The following CCNY variants were observed in gnomAD, a reference collection of about 807,000 sequenced individuals.
The protein encoded by CCNY is cyclin-Y.
In CCNY, 19 loss-of-function variants were observed where a neutral mutation model predicts 42.8. The observed-to-expected ratio is 0.44, with a 90% CI of 0.31 to 0.65. CCNY has a LOEUF of 0.65. Among genes scored for constraint, CCNY ranks in the 30% least tolerant of loss-of-function variants. The pLI, the probability that CCNY is intolerant of heterozygous loss-of-function variation, is 0.07. For missense variants in CCNY, 370 were observed against 437.3 expected (o/e 0.85, Z 1.37); for synonymous variants, 165 against 162.7 (o/e 1.01, Z -0.11).
chr10:35,480,119 C>G (rs1162612731), intron 1 of CCNY, among the ~76,000 whole-genome samples: 2 of 152,098 alleles, frequency 1.3e-5, no homozygotes, highest in African/African-American at 2.4e-5. Context: ...AGACACTGGT[C>G]TTGAAGTCTC....
intron 3 of CCNY, among the ~76,000 whole-genome samples, chr10:35,292,686 C>T (rs1258458041): frequency 1.3e-5 from 2 of 151,318 alleles, no homozygotes; most frequent in African/African-American, 2.4e-5. Context: ...TTTATGGCGT[C>T]CAGTTTATCT....
At chr10:35,266,228 C>T (rs1477953555) in intron 3 of CCNY, among the ~76,000 whole-genome samples, 3 of 149,518 alleles carry the variant, frequency 2.0e-5, no homozygotes, top group Non-Finnish European at 4.4e-5. Context: ...CAGGCATGCG[C>T]TACCATGCCC....
At chr10:35,254,197 G>T (rs967645811) in intron 3 of CCNY, among the ~76,000 whole-genome samples, 3 of 152,102 alleles carry the variant, frequency 2.0e-5, no homozygotes, top group Non-Finnish European at 2.9e-5. Context: ...GTTTTTTACC[G>T]AAAAGTGAAT....
intron 1 of CCNY, among the ~76,000 whole-genome samples, chr10:35,429,074 CCTT>C (rs1387962483): frequency 6.6e-6 from 1 of 152,196 alleles, no homozygotes; most frequent in Non-Finnish European, 1.5e-5. Context: ...TTTCTAGTCA[CCTT>C]CTACCAGAAT....
chr10:35,431,953 A>C (rs1352517119), intron 1 of CCNY, among the ~76,000 whole-genome samples: 8 of 152,160 alleles, frequency 5.3e-5, no homozygotes, highest in Non-Finnish European at 1.2e-4. Context: ...GGAAGTTTAT[A>C]AGGTATTCAG....
chr10:35,357,768 T>G (rs1836589574), intron 1 of CCNY, among the ~76,000 whole-genome samples: 1 of 152,222 alleles, frequency 6.6e-6, no homozygotes, highest in African/African-American at 2.4e-5. Flanking sequence ...TTATCAAACT[T>G]TCACTCACAA....
intron 8 of CCNY, among the ~76,000 whole-genome samples, chr10:35,560,799 C>G (rs776163731): frequency 3.3e-5 from 5 of 152,200 alleles, no homozygotes; most frequent in Admixed American, 2.0e-4. Flanking sequence ...GAAATGAATA[C>G]TTCATTCAGT....
At chr10:35,329,123 A>T (rs1835911797) in intron 3 of CCNY, among the ~76,000 whole-genome samples, 1 of 152,264 alleles carries the variant, frequency 6.6e-6, no homozygotes, top group Non-Finnish European at 1.5e-5. Flanking sequence ...AATGATGTAA[A>T]CTTTCTAAGA....
chr10:35,426,230 C>T (rs1838269713), intron 1 of CCNY, among the ~76,000 whole-genome samples: 1 of 150,202 alleles, frequency 6.7e-6, no homozygotes, highest in Non-Finnish European at 1.5e-5. Flanking sequence ...AGCATACATG[C>T]CCATTCACAC....
At chr10:35,447,460 T>C (rs1324056524) in intron 1 of CCNY, among the ~76,000 whole-genome samples, 1 of 152,226 alleles carries the variant, frequency 6.6e-6, no homozygotes, top group Non-Finnish European at 1.5e-5. Flanking sequence ...CACTGTGGTC[T>C]TGAGACAGTG....
intron 1 of CCNY, among the ~76,000 whole-genome samples, chr10:35,470,201 A>G (rs117335892): frequency 1.3e-5 from 2 of 151,302 alleles, no homozygotes; most frequent in African/African-American, 4.9e-5. Context: ...AGATAGGGCA[A>G]TGGAGAGACA....
rs1025121965 is a variant in CCNY, at chr10:35,301,937, T to C, written c.-9+51311T>C. Among the ~76,000 whole-genome samples the C allele has an allele frequency of 4.4e-5, 6 of 137,636 alleles. No homozygotes were observed. The East Asian group carries it at 8.9e-4, about 20-fold the overall frequency. 90.3% of individuals were successfully genotyped at this position (137,636 alleles called of 152,430 possible). A position where few individuals can be genotyped will look rare whatever the true frequency, so the allele number is the denominator to read the frequency against. On this transcript the variant is annotated intron_variant, in intron 3 of 11. Coordinates refer to the CCNY transcript ENST00000374706. ...TGTGAGTCACCCCGCCCAGCCTTCA[T>C]TGTTATTTTTTATTTTATTTATTTA...
At chr10:35,523,604 A>G (rs1001949636) in intron 4 of CCNY, among the ~76,000 whole-genome samples, 1 of 152,236 alleles carries the variant, frequency 6.6e-6, no homozygotes, top group African/African-American at 2.4e-5. Context: ...AGCCGTGATA[A>G]TATCCAATCT....
intron 8 of CCNY, 135 bp from the exon 9 acceptor site, chr10:35,565,888 C>T: frequency 1.2e-6 from 1 of 864,518 alleles, no homozygotes; most frequent in South Asian, 1.7e-5. Flanking sequence ...GTGGTCTAAC[C>T]AGACATTTAC....
At chr10:35,399,264 G>A (rs1837591418) in intron 1 of CCNY, among the ~76,000 whole-genome samples, 1 of 151,694 alleles carries the variant, frequency 6.6e-6, no homozygotes, top group Non-Finnish European at 1.5e-5. Context: ...TCCCTGCTGG[G>A]CCGTGGAGGC....
intron 1 of CCNY, among the ~76,000 whole-genome samples, chr10:35,375,397 C>T (rs572548751): frequency 6.6e-6 from 1 of 152,252 alleles, no homozygotes; most frequent in South Asian, 2.1e-4. Context: ...TCCTGCCTCC[C>T]TTTTTAGGAT....
intron 8 of CCNY, among the ~76,000 whole-genome samples, chr10:35,565,499 G>A (rs1347373878): frequency 6.6e-6 from 1 of 152,168 alleles, no homozygotes; most frequent in Non-Finnish European, 1.5e-5. Flanking sequence ...CTGAGGCAGA[G>A]ACTGGACACC....
intron 7 of CCNY, among the ~76,000 whole-genome samples, chr10:35,531,387 T>C (rs1409286700): frequency 6.6e-6 from 1 of 152,228 alleles, no homozygotes; most frequent in African/African-American, 2.4e-5. Flanking sequence ...TTGTTGCTCA[T>C]TCATTCATCT....
chr10:35,441,030 A>G (rs1250210242), intron 1 of CCNY, among the ~76,000 whole-genome samples: 1 of 152,180 alleles, frequency 6.6e-6, no homozygotes, highest in Non-Finnish European at 1.5e-5. Flanking sequence ...TTGCCAATTC[A>G]GAAGTGATTC....
Sources: allele counts gnomAD v4.1 joint callset (sites outside exome capture counted in the v4.1 genomes callset), GRCh38; gene constraint gnomAD v4.1.1; transcripts MANE v1.5; gene names NCBI Gene and HGNC (gene_info 2026-07-23, HGNC 2026-07-21).